The following PPP1CB variants were observed in gnomAD, a reference collection of about 807,000 sequenced individuals.
PPP1CB encodes protein phosphatase 1 catalytic subunit beta, also known as serine/threonine-protein phosphatase PP1-beta catalytic subunit.
PPP1CB carries 2 observed loss-of-function variants against 43.7 expected under a neutral mutation model. That is an observed-to-expected ratio of 0.05 (90% CI 0.02 to 0.14). PPP1CB has a LOEUF of 0.14. PPP1CB is among the 10% of genes least tolerant of loss of function. The probability of loss-of-function intolerance (pLI) is 1.00; values close to 1 mark genes in which losing one functional copy is unlikely to be tolerated. For missense variants in PPP1CB, 84 were observed against 398.0 expected, an observed-to-expected ratio of 0.21 and a Z score of 6.71; for synonymous variants, 136 against 135.6, an observed-to-expected ratio of 1.00 and a Z score of -0.02.
chr2:28,796,056 C>T (rs145228969), intron 7 of PPP1CB, among the ~76,000 whole-genome samples: 1 of 152,294 alleles, frequency 6.6e-6, no homozygotes, highest in East Asian at 1.9e-4. Context: ...AGTCTCTTCT[C>T]CATTGCTTGT....
At chr2:28,786,183 G>A (rs4254466) in intron 5 of PPP1CB, among the ~76,000 whole-genome samples, 62,482 of 151,846 alleles carry the variant, frequency 0.41, 13,757 homozygotes, top group Non-Finnish European at 0.51. Flanking sequence ...GCCTGATCTC[G>A]GCTCACTGCA....
chr2:28,787,341 C>T (rs1342209374), intron 5 of PPP1CB, among the ~76,000 whole-genome samples: 3 of 152,104 alleles, frequency 2.0e-5, no homozygotes, highest in Non-Finnish European at 4.4e-5. Flanking sequence ...CACCTGTAGT[C>T]CCAGCTACTC....
At chr2:28,790,640 G>A (rs1269352801) in intron 6 of PPP1CB, among the ~76,000 whole-genome samples, 3 of 152,028 alleles carry the variant, frequency 2.0e-5, no homozygotes, top group African/African-American at 7.2e-5. Flanking sequence ...GCTCCTGGCC[G>A]GTATCAATTA....
intron 1 of PPP1CB, among the ~76,000 whole-genome samples, chr2:28,767,066 G>A (rs561971803): frequency 6.7e-6 from 1 of 148,280 alleles, no homozygotes; most frequent in South Asian, 2.1e-4. Context: ...GGGCAACAGA[G>A]CAAGACTCCA....
chr2:28,753,901 A>AT (rs1016497430), intron 1 of PPP1CB, among the ~76,000 whole-genome samples: 6 of 151,168 alleles, frequency 4.0e-5, no homozygotes, highest in South Asian at 2.1e-4. Flanking sequence ...TGCCCGGCTA[A>AT]TTTTTTTTGT....
chr2:28,787,900 A>C lies in PPP1CB; in HGVS notation c.593-758A>C, dbSNP rs376142142. Among the ~76,000 whole-genome samples the C allele has an allele frequency of 3.3e-4, 50 of 152,304 alleles. No homozygotes were observed. The South Asian group carries it at 0.01, about 32-fold the overall frequency. On this transcript the variant is annotated intron_variant, in intron 5 of 7. Coordinates refer to ENST00000395366, the MANE Select transcript of PPP1CB (RefSeq NM_002709.3). ...TACCATTAATATGATGACAATACTC[A>C]AGTAAATATTTTTAACCCTGACCTC...
intron 1 of PPP1CB, among the ~76,000 whole-genome samples, chr2:28,759,639 C>T (rs1666593489): frequency 6.9e-6 from 1 of 145,150 alleles, no homozygotes; most frequent in Non-Finnish European, 1.5e-5. Flanking sequence ...TTTTTTGAGA[C>T]AGAGTTTCGC....
In PPP1CB at chr2:28,751,932, C is replaced by T. The variant is rs1046986885; in HGVS notation, c.-193C>T. 5 of 641,118 alleles carry T rather than the reference C, an allele frequency of 7.8e-6. No homozygotes were observed. Among genetic ancestry groups the T allele is most frequent in the Admixed American group, 4.8e-5 (2 of 41,664 alleles). The allele number at this position is 641,118 out of a possible 1,614,324, so 39.7% of individuals were successfully genotyped here. A position where few individuals can be genotyped will look rare whatever the true frequency, so the allele number is the denominator to read the frequency against. Reference sequence around the variant, plus strand: ...TTTATTTATTTATTTTCCGTGGGTGCCTCCGAGTGTGCGCGCGCTCTCGCT... The same window carrying T: ...TTTATTTATTTATTTTCCGTGGGTGTCTCCGAGTGTGCGCGCGCTCTCGCT... On this transcript the variant is annotated 5_prime_UTR_variant, in exon 1 of 8. Transcript: ENST00000395366.
intron 1 of PPP1CB, among the ~76,000 whole-genome samples, chr2:28,773,565 T>G (rs887173719): frequency 6.6e-6 from 1 of 152,240 alleles, no homozygotes; most frequent in Non-Finnish European, 1.5e-5. Flanking sequence ...TTATAATATT[T>G]TTATAATCCA....
At chr2:28,773,159 A>G (rs540472958) in intron 1 of PPP1CB, among the ~76,000 whole-genome samples, 29 of 152,340 alleles carry the variant, frequency 1.9e-4, no homozygotes, top group African/African-American at 7.0e-4. Context: ...TCGTTGAGTT[A>G]CACCCATAAA....
In PPP1CB at chr2:28,800,740, A is replaced by T. The variant is rs1413461223; in HGVS notation, c.*1437A>T. 2.6e-5 allele frequency: 4 copies of T among 152,498 alleles called. No individual in the cohort carries two copies. The highest frequency in any genetic ancestry group is 2.9e-5 in the Non-Finnish European group (2 of 67,922). The allele number at this position is 152,498 out of a possible 1,614,324, so 9.4% of individuals were successfully genotyped here. On this transcript the variant is annotated 3_prime_UTR_variant, in exon 8 of 8. Coordinates refer to ENST00000395366, the MANE Select transcript of PPP1CB (RefSeq NM_002709.3). ...GTGATTCTAAAAGCTTTTATTGAGC[A>T]TTGTCAAATTTGTAAGCTTCATAGG... is the stretch of plus-strand genomic sequence containing the variant.
intron 1 of PPP1CB, among the ~76,000 whole-genome samples, chr2:28,773,813 T>C (rs915823123): frequency 6.6e-6 from 1 of 152,242 alleles, no homozygotes; most frequent in African/African-American, 2.4e-5. Context: ...GTCAGAGTTT[T>C]AAACATTGGG....
intron 3 of PPP1CB, among the ~76,000 whole-genome samples, chr2:28,779,575 A>T (rs1201220903): frequency 1.3e-5 from 2 of 152,186 alleles, no homozygotes; most frequent in Admixed American, 6.5e-5. Flanking sequence ...TTGGTATTGT[A>T]TGTTTCCAAG....
Position 28,799,379 on chromosome 2 carries a change from C to T in PPP1CB, c.*76C>T. The T allele has an allele frequency of 8.4e-7, 1 of 1,183,978 alleles. No individual in the cohort carries two copies. The highest frequency in any genetic ancestry group is 1.2e-6 in the Non-Finnish European group (1 of 817,506). 73.3% of individuals were successfully genotyped at this position (1,183,978 alleles called of 1,614,324 possible). A position where few individuals can be genotyped will look rare whatever the true frequency, so the allele number is the denominator to read the frequency against. ...TAATATATAAGTGTGCACTGTAAAA[C>T]CATCCAGCCATTTGACACCCTTTAT... On this transcript the variant is annotated 3_prime_UTR_variant, in exon 8 of 8. Transcript: ENST00000395366.
intron 1 of PPP1CB, among the ~76,000 whole-genome samples, chr2:28,764,332 C>T (rs568053880): frequency 6.6e-6 from 1 of 151,672 alleles, no homozygotes; most frequent in African/African-American, 2.4e-5. Context: ...TAGTAGCACC[C>T]ACCTATAATC....
At chr2:28,777,945 C>T (rs1206031234) in intron 2 of PPP1CB, among the ~76,000 whole-genome samples, 1 of 152,198 alleles carries the variant, frequency 6.6e-6, no homozygotes, top group African/African-American at 2.4e-5. Flanking sequence ...TGAGCCACCG[C>T]AGCTGGCCAA....
chr2:28,765,261 T>A (rs1666753933), intron 1 of PPP1CB, among the ~76,000 whole-genome samples: 1 of 151,912 alleles, frequency 6.6e-6, no homozygotes, highest in Admixed American at 6.5e-5. Context: ...TCATCAAAAC[T>A]GATTGCAAGT....
At chr2:28,762,277 T>C (rs1666673909) in intron 1 of PPP1CB, among the ~76,000 whole-genome samples, 1 of 135,100 alleles carries the variant, frequency 7.4e-6, no homozygotes, top group South Asian at 2.4e-4. Context: ...AGAGTGAGAC[T>C]GTGTCTCTAA....
At chr2:28,751,727 C>A (rs935466829), upstream of PPP1CB, 46 of 246,642 alleles carry the variant, frequency 1.9e-4, no homozygotes, top group Admixed American at 1.4e-3. Flanking sequence ...GCGGGGAGCG[C>A]ACCGCGCGCC....
Sources: allele counts gnomAD v4.1 joint callset (sites outside exome capture counted in the v4.1 genomes callset), GRCh38; gene constraint gnomAD v4.1.1; transcripts MANE v1.5; gene names NCBI Gene and HGNC (gene_info 2026-07-23, HGNC 2026-07-21).